Variants in CHERP observed in about 807,000 individuals in gnomAD.
The protein encoded by CHERP is ERPROT 213-21.
A neutral mutation model predicts 113.8 loss-of-function variants in CHERP; 8 were observed. That is an observed-to-expected ratio of 0.07 (90% CI 0.04 to 0.13). The LOEUF is 0.13. Among genes scored for constraint, CHERP ranks in the 10% least tolerant of loss-of-function variants. The pLI is 1.00. For synonymous variants in CHERP, 559 were observed against 524.5 expected, an observed-to-expected ratio of 1.07 and a Z score of -0.90; for missense variants, 884 against 1,298.2, an observed-to-expected ratio of 0.68 and a Z score of 4.90.
At position 16,532,417 on chromosome 19, in the gene CHERP, G is replaced by C; in HGVS notation, c.674+181C>G. On this transcript the variant is annotated intron_variant, in intron 5 of 16. Transcript: ENST00000546361. This position sits in a 1 kb window ranked among gnomAD's most constrained non-coding sequence, Gnocchi z 4.4. ...AAGGTGCACAGGACACCTAGACCTC[G>C]CAGTCCTGGAGACAGAAGCCTGGTG... 1 of 692,478 alleles carries C rather than the reference G, an allele frequency of 1.4e-6. No homozygotes were observed. The highest frequency in any genetic ancestry group is 3.1e-5 in the Admixed American group (1 of 32,306). The allele number at this position is 692,478 out of a possible 1,614,324, so 42.9% of individuals were successfully genotyped here.
In CHERP at chr19:16,541,757, C is replaced by A. The variant is rs1050874398; in HGVS notation, c.199+113G>T. 14 of 1,115,024 alleles carry A rather than the reference C, an allele frequency of 1.3e-5. No homozygotes were observed. In the African/African-American group the frequency reaches 1.7e-4, roughly 14 times the overall value. 69.1% of individuals were successfully genotyped at this position (1,115,024 alleles called of 1,614,324 possible). On this transcript the variant is annotated intron_variant, in intron 2 of 16. Coordinates refer to ENST00000546361, the MANE Select transcript of CHERP (RefSeq NM_006387.6). The stretch of plus-strand genomic sequence containing the variant: ...AACAGGGATCGTGTGGACCGAGCTG[C>A]TCCACTTCAAAGAATAAACGACCCG...
chr19:16,542,341 G>C lies in CHERP; in HGVS notation c.25+13C>G. On this transcript the variant is annotated intron_variant, in intron 1 of 16. Coordinates refer to ENST00000546361, the MANE Select transcript of CHERP (RefSeq NM_006387.6). ...GGAGAGAGAAACGGTCTCTCGGCCG[G>C]TTTGGGTCTCACCATCGGGGGGCAG... 1 of 1,415,946 alleles carries C rather than the reference G, an allele frequency of 7.1e-7. No individual in the cohort carries two copies. Among genetic ancestry groups the C allele is most frequent in the Non-Finnish European group, 9.3e-7 (1 of 1,081,014 alleles). 87.7% of individuals were successfully genotyped at this position (1,415,946 alleles called of 1,614,324 possible). A position where few individuals can be genotyped will look rare whatever the true frequency, so the allele number is the denominator to read the frequency against.
intron 11 of CHERP, among the ~76,000 whole-genome samples, chr19:16,522,157 C>T (rs55746258): frequency 0.016 from 2,409 of 152,242 alleles, 30 homozygotes; most frequent in Middle Eastern, 0.027. Flanking sequence ...CCCATGGCTC[C>T]GTGAAGTCTG....
rs1251023821 is a variant in CHERP at position 16,525,459 on chromosome 19, G to T, written c.1524C>A (p.Gly508=). 6.5e-7 allele frequency: 1 copy of T among 1,547,664 alleles called. No homozygotes were observed. Among genetic ancestry groups the T allele is most frequent in the South Asian group, 1.2e-5 (1 of 83,678 alleles). The stretch of plus-strand genomic sequence containing the variant: ...GCATGCGGAAGGGTGGCTCGCGCTG[G>T]CCCCCGCCCCAGGGCGGCTGCTCGT... ...SQHEQPPWGG[G]QREPPFRMQR... The change falls in exon 10 of 17, where the codon GGC becomes GGA. Residue 508 remains glycine, a synonymous_variant. Coordinates refer to ENST00000546361, the MANE Select transcript of CHERP (RefSeq NM_006387.6). The surrounding 1 kb of genome is among the most constrained non-coding windows in gnomAD (Gnocchi z 6.5).
rs1045636377 is a variant in CHERP at position 16,535,293 on chromosome 19, T to A, written c.384+159A>T. 1.3e-5 allele frequency among the ~76,000 whole-genome samples: 2 copies of A among 152,218 alleles called. No homozygotes were observed. Among genetic ancestry groups the A allele is most frequent in the African/African-American group, 4.8e-5 (2 of 41,462 alleles). On this transcript the variant is annotated intron_variant, in intron 3 of 16. Coordinates refer to ENST00000546361, the MANE Select transcript of CHERP (RefSeq NM_006387.6). The surrounding 1 kb of genome is among the most constrained non-coding windows in gnomAD (Gnocchi z 4.3). ...TGAGAAGCAGCCTCTGTGTCTGGCA[T>A]CAGGGCTGGGGGTGACAGTGGCTGA...
intron 1 of CHERP, 130 bp downstream of exon 1, chr19:16,542,224 G>A (rs986647633): frequency 2.7e-6 from 3 of 1,092,224 alleles, no homozygotes; most frequent in East Asian, 3.1e-5. Context: ...GGACCCACGG[G>A]AGAGGCCGCA....
At chr19:16,528,320 C>G (rs1210766828) in intron 8 of CHERP, 65 bp from the exon 9 acceptor site, 1 of 1,473,068 alleles carries the variant, frequency 6.8e-7, no homozygotes, top group Non-Finnish European at 9.1e-7. Context: ...CCTCTCCACA[C>G]TACCCCAGAG....
intron 2 of CHERP, among the ~76,000 whole-genome samples, chr19:16,536,742 C>A (rs1225677282): frequency 6.6e-6 from 1 of 152,240 alleles, no homozygotes; most frequent in Non-Finnish European, 1.5e-5. Context: ...TTGGGCTGGG[C>A]ATGATGGCTC....
At chr19:16,528,026 C>A in intron 9 of CHERP, 54 bp downstream of exon 9, 3 of 1,568,452 alleles carry the variant, frequency 1.9e-6, no homozygotes, top group South Asian at 1.1e-5. Context: ...GGGGAGGCTA[C>A]CCCATCAGGC....
At position 16,521,634 on chromosome 19, in the gene CHERP, C is replaced by T. The variant is rs2085616330; in HGVS notation, c.2001G>A (p.Lys667=). Residue 667 remains lysine, a synonymous_variant, in exon 12 of 17, where the codon AAG becomes AAA. Coordinates refer to ENST00000546361, the MANE Select transcript of CHERP (RefSeq NM_006387.6). ...PLVKLEDHEY[K]PLDPKDIRLP... Reference sequence around the variant, plus strand: ...GGCGGATGTCTTTAGGGTCCAAAGGCTTGTACTCGTGATCTTCCAGCTGCA... The same window carrying T: ...GGCGGATGTCTTTAGGGTCCAAAGGTTTGTACTCGTGATCTTCCAGCTGCA... The T allele has an allele frequency of 6.3e-7, 1 of 1,596,508 alleles. No homozygotes were observed.
chr19:16,528,161 G>A lies in CHERP; in HGVS notation c.1224C>T (p.Pro408=), dbSNP rs370206629. 2.0e-5 allele frequency: 33 copies of A among 1,613,004 alleles called. No individual in the cohort carries two copies. Among genetic ancestry groups the A allele is most frequent in the South Asian group, 1.8e-4 (16 of 91,038 alleles). Residue 408 remains proline, a synonymous_variant, in exon 9 of 17, where the codon CCC becomes CCT. Transcript: ENST00000546361. The part of the protein sequence containing the change: ...QDPAAAGPRG[P]GPHDQIPPNK... ...TTGGTGGGATCTGGTCGTGTGGCCC[G>A]GGGCCCCGGGGGCCGGCAGCTGCAG...
chr19:16,529,370 C>A (rs972096584), intron 8 of CHERP, among the ~76,000 whole-genome samples: 1 of 152,152 alleles, frequency 6.6e-6, no homozygotes, highest in East Asian at 1.9e-4. Flanking sequence ...AATAGTTACC[C>A]TAGTCTTGGG....
Position 16,519,600 on chromosome 19 carries a change from C to T in CHERP, c.2557+21G>A. 1 of 1,606,818 alleles carries T rather than the reference C, an allele frequency of 6.2e-7. No homozygotes were observed. The highest frequency in any genetic ancestry group is 8.5e-7 in the Non-Finnish European group (1 of 1,173,432). ...CACGCGTGAGGACCCATCCCGCGCC[C>T]TCCCCATTCCCTCGCCTTACCCATC... is the stretch of plus-strand genomic sequence containing the variant. On this transcript the variant is annotated intron_variant, in intron 16 of 16. Coordinates refer to ENST00000546361, the MANE Select transcript of CHERP (RefSeq NM_006387.6). This position sits in a 1 kb window ranked among gnomAD's most constrained non-coding sequence, Gnocchi z 6.0.
intron 2 of CHERP, among the ~76,000 whole-genome samples, chr19:16,536,310 C>T (rs1664133506): frequency 1.3e-5 from 2 of 152,162 alleles, no homozygotes; most frequent in African/African-American, 2.4e-5. Context: ...CAGGTCCCAA[C>T]TCTGGCCAGA....
Position 16,523,377 on chromosome 19 carries a change from GC to G in CHERP, c.1742-88del. On this transcript the variant is annotated intron_variant, in intron 10 of 16. Coordinates refer to ENST00000546361, the MANE Select transcript of CHERP (RefSeq NM_006387.6). This position sits in a 1 kb window ranked among gnomAD's most constrained non-coding sequence, Gnocchi z 4.0. The stretch of plus-strand genomic sequence containing the variant: ...CTGGAGGGGAGGGGCTCAGTGAAGG[GC>G]CAGGAGACGAACCCCTCCTGGGAGC... The G allele has an allele frequency of 6.7e-7, 1 of 1,484,382 alleles. No homozygotes were observed. The highest frequency in any genetic ancestry group is 9.2e-7 in the Non-Finnish European group (1 of 1,088,454). The allele number at this position is 1,484,382 out of a possible 1,614,324, so 92.0% of individuals were successfully genotyped here.
chr19:16,521,789 G>C (rs775120092), intron 11 of CHERP, 135 bp from the exon 12 acceptor site: 61 of 766,046 alleles, frequency 8.0e-5, no homozygotes, highest in Non-Finnish European at 1.1e-4. Flanking sequence ...AGCTCCTCAT[G>C]CTTCCCTCTT....
chr19:16,535,614 C>T lies in CHERP; in HGVS notation c.222G>A (p.Pro74=), dbSNP rs758132221. ...QQQLICKQQT[P]ELEPAATMPP... ...GCATGGTGGCGGCTGGCTCCAGCTC[C>T]GGGGTCTGCTGCTTGCAGATGACTG... is the stretch of plus-strand genomic sequence containing the variant. Residue 74 remains proline (P), a synonymous_variant, in exon 3 of 17, where the codon CCG becomes CCA. Transcript: ENST00000546361. The surrounding 1 kb of genome is among the most constrained non-coding windows in gnomAD (Gnocchi z 4.3). 60 of 1,533,214 alleles carry T rather than the reference C, an allele frequency of 3.9e-5. 1 individual carries two copies. Among genetic ancestry groups the T allele is most frequent in the South Asian group, 6.1e-5 (5 of 81,784 alleles). 95.0% of individuals were successfully genotyped at this position (1,533,214 alleles called of 1,614,324 possible).
In CHERP at chr19:16,532,543, G is replaced by A. The variant is rs938705889; in HGVS notation, c.674+55C>T. ...ACCGGAGCAAGCGGCCACCCAGGAGGGTTGAGGAGGAGCGCGAGGAAGTGG... is the reference window on the plus strand; with the variant it reads ...ACCGGAGCAAGCGGCCACCCAGGAGAGTTGAGGAGGAGCGCGAGGAAGTGG... On this transcript the variant is annotated intron_variant, in intron 5 of 16. Transcript: ENST00000546361. The surrounding 1 kb of genome is among the most constrained non-coding windows in gnomAD (Gnocchi z 4.4). 16 of 1,512,996 alleles carry A rather than the reference G, an allele frequency of 1.1e-5. No homozygotes were observed. The highest frequency in any genetic ancestry group is 2.0e-5 in the Admixed American group (1 of 51,170). The allele number at this position is 1,512,996 out of a possible 1,614,324, so 93.7% of individuals were successfully genotyped here. A position where few individuals can be genotyped will look rare whatever the true frequency, so the allele number is the denominator to read the frequency against.
At chr19:16,538,493 G>A (rs2085755999) in intron 2 of CHERP, among the ~76,000 whole-genome samples, 1 of 152,160 alleles carries the variant, frequency 6.6e-6, no homozygotes, top group African/African-American at 2.4e-5. Context: ...GACCATCCTG[G>A]CCAACATGGT....
Sources: gnomAD v4.1 joint callset for allele counts (sites outside exome capture counted in the v4.1 genomes callset) on GRCh38, gnomAD v4.1.1 for gene constraint, Gnocchi (gnomAD v3.1) non-coding constraint, MANE v1.5 for transcripts, NCBI Gene and HGNC (gene_info 2026-07-23, HGNC 2026-07-21) for gene names.